TRIM37: variants seen among roughly 807,000 people sequenced by gnomAD.
TRIM37 encodes E3 ubiquitin-protein ligase TRIM37.
Under a neutral mutation model 129.8 loss-of-function variants are expected in TRIM37, and 80 were observed. The ratio of observed to expected loss-of-function variants is 0.62; its 90% confidence interval spans 0.51 to 0.74. The LOEUF (loss-of-function observed/expected upper bound fraction) is 0.74, where lower values mean the gene tolerates loss of function less well. Ranked by LOEUF, TRIM37 falls within the 30% of genes least tolerant of loss-of-function variation. The pLI, the probability that TRIM37 is intolerant of heterozygous loss-of-function variation, is 0.00. For synonymous variants in TRIM37, 389 were observed against 387.1 expected (o/e 1.00, Z -0.06); for missense variants, 1,054 against 1,176.5 (o/e 0.90, Z 1.52).
intron 2 of TRIM37, among the ~76,000 whole-genome samples, chr17:59,095,984 G>A (rs1335225132): frequency 2.6e-5 from 4 of 152,090 alleles, no homozygotes; most frequent in Non-Finnish European, 5.9e-5. Context: ...GCCTCCCAAC[G>A]TGCTGGGACT....
At position 58,999,220 on chromosome 17, in the gene TRIM37, G is replaced by A. The variant is rs2033354012; in HGVS notation, c.*157C>T. 4 of 1,536,240 alleles carry A rather than the reference G, an allele frequency of 2.6e-6. No homozygotes were observed. Among genetic ancestry groups the A allele is most frequent in the Non-Finnish European group, 3.5e-6 (4 of 1,144,036 alleles). ...TACTACTGCTGTCTTAGACTAAACTGTGCCACCTTCCAACAGTTTCCAAAT... is the reference window on the plus strand; with the variant it reads ...TACTACTGCTGTCTTAGACTAAACTATGCCACCTTCCAACAGTTTCCAAAT... On this transcript the variant is annotated 3_prime_UTR_variant, in exon 24 of 24. Coordinates refer to ENST00000262294, the MANE Select transcript of TRIM37 (RefSeq NM_015294.6).
chr17:58,985,712 C>T (rs1044988453), intron 24 of TRIM37, among the ~76,000 whole-genome samples: 10 of 152,126 alleles, frequency 6.6e-5, no homozygotes, highest in Non-Finnish European at 1.2e-4. Context: ...ACCTTCCAAA[C>T]GAGTCAACCT....
chr17:59,062,768 G>A (rs2041604740), intron 10 of TRIM37, 120 bp from the exon 11 acceptor site: 1 of 805,896 alleles, frequency 1.2e-6, no homozygotes, highest in Non-Finnish European at 2.1e-6. Context: ...CAAATAACAA[G>A]GTGACTGAAC....
At chr17:58,968,340 C>T in the TRIM37 span, among the ~76,000 whole-genome samples, 1 of 152,132 alleles carries the variant, frequency 6.6e-6, no homozygotes, top group South Asian at 2.1e-4. Context: ...CGGGATGATC[C>T]TTTGAGCCCA....
chr17:59,051,221 A>G lies in TRIM37; in HGVS notation c.1307T>C (p.Leu436Pro). ...AAATAGATATTTTCTTACCTCTTTA[A>G]GGTTGTTTATTTGTTGGATATAACT... ...QTSYIQQINN[L>P]KERLTIELSR... is the part of the protein sequence containing the mutation. The change falls in exon 14 of 24, where the codon CTT becomes CCT. Residue 436 changes from leucine to proline, a missense_variant. Leu to Pro is a moderately conservative substitution (Grantham distance 98). Transcript: ENST00000262294. 1 of 1,598,912 alleles carries G rather than the reference A, an allele frequency of 6.3e-7. No individual in the cohort carries two copies. Among genetic ancestry groups the G allele is most frequent in the Non-Finnish European group, 8.6e-7 (1 of 1,166,160 alleles).
chr17:58,995,332 T>C (rs1439735838), downstream of TRIM37, among the ~76,000 whole-genome samples: 2 of 151,434 alleles, frequency 1.3e-5, no homozygotes, highest in African/African-American at 4.9e-5. Flanking sequence ...AAAAGAACCA[T>C]GGTTCCTTAG....
chr17:59,077,483 A>G (rs997503679), intron 7 of TRIM37, among the ~76,000 whole-genome samples: 1 of 152,170 alleles, frequency 6.6e-6, no homozygotes, highest in Non-Finnish European at 1.5e-5. Flanking sequence ...ACATTAGCCT[A>G]TGGACAACAT....
intron 12 of TRIM37, among the ~76,000 whole-genome samples, chr17:59,060,683 T>C (rs1942849897): frequency 6.6e-6 from 1 of 152,188 alleles, no homozygotes; most frequent in Non-Finnish European, 1.5e-5. Context: ...TAGAATGTTA[T>C]AAAATTAGAT....
At chr17:59,102,251 T>C (rs2045583409) in intron 2 of TRIM37, among the ~76,000 whole-genome samples, 1 of 151,874 alleles carries the variant, frequency 6.6e-6, no homozygotes, top group Non-Finnish European at 1.5e-5. Flanking sequence ...TCTTAGGAAA[T>C]TAAGAAATAA....
rs1164655430 is a variant in TRIM37 at position 59,001,613 on chromosome 17, G to T, written c.2797C>A (p.Gln933Lys). 18 of 1,614,096 alleles carry T rather than the reference G, an allele frequency of 1.1e-5. No homozygotes were observed. The highest frequency in any genetic ancestry group is 1.7e-5 in the Admixed American group (1 of 60,010). The change falls in exon 23 of 24, where the codon CAG (glutamine) becomes AAG (lysine). Residue 933 changes from glutamine (Q) to lysine (K), a missense_variant. This residue lies in a region of TRIM37 where 287 missense variants were observed against 274.3 expected (regional missense o/e 1.05). Transcript: ENST00000262294. ...TGTGCTGCACCTTCATCCGGGGGCT[G>T]TGTCATGACCATGAAGGAGTCGTGA... is the stretch of plus-strand genomic sequence containing the variant. ...GFHDSFMVMTQPPDEDTHSSF... is the reference protein window; with the variant it reads ...GFHDSFMVMTKPPDEDTHSSF...
At chr17:59,034,798 A>G (rs2038279933) in intron 17 of TRIM37, among the ~76,000 whole-genome samples, 1 of 152,114 alleles carries the variant, frequency 6.6e-6, no homozygotes, top group Non-Finnish European at 1.5e-5. Context: ...GAATGCTCAC[A>G]AAGTGATCAC....
rs1380013494 is a variant in TRIM37, at chr17:59,056,770, T to C, written c.1199+105A>G. ...AAAGGTGATAAGGTTATAGTTAGTA[T>C]GAATTTCAATATTCATCTTTGTTAA... On this transcript the variant is annotated intron_variant, in intron 13 of 23. Coordinates refer to ENST00000262294, the MANE Select transcript of TRIM37 (RefSeq NM_015294.6). The C allele has an allele frequency of 5.2e-6, 4 of 774,438 alleles. No individual in the cohort carries two copies. The Admixed American group carries it at 6.7e-5, about 13-fold the overall frequency. 48.0% of individuals were successfully genotyped at this position (774,438 alleles called of 1,614,324 possible).
At chr17:59,035,242 G>C (rs924227724) in intron 17 of TRIM37, among the ~76,000 whole-genome samples, 1 of 151,510 alleles carries the variant, frequency 6.6e-6, no homozygotes, top group Non-Finnish European at 1.5e-5. Context: ...TCTACTTTCA[G>C]TAGAAATGAG....
chr17:59,049,764 C>A (rs1042711956), intron 14 of TRIM37, among the ~76,000 whole-genome samples: 9 of 152,166 alleles, frequency 5.9e-5, no homozygotes, highest in African/African-American at 2.2e-4. Flanking sequence ...TCCCAACATG[C>A]TGGGATTACA....
intron 17 of TRIM37, among the ~76,000 whole-genome samples, chr17:59,038,415 T>C (rs1394412399): frequency 1.3e-5 from 2 of 152,178 alleles, no homozygotes; most frequent in Non-Finnish European, 2.9e-5. Flanking sequence ...CCAAAGCATA[T>C]AATAAAAATA....
the TRIM37 span, among the ~76,000 whole-genome samples, chr17:58,967,685 A>AT: frequency 6.6e-6 from 1 of 151,434 alleles, no homozygotes; most frequent in East Asian, 1.9e-4. Context: ...TCCTTTTTTT[A>AT]TTTTTTTAAG....
intron 13 of TRIM37, among the ~76,000 whole-genome samples, chr17:59,051,852 T>TCCC (rs1164340227): frequency 6.6e-6 from 1 of 151,612 alleles, no homozygotes; most frequent in Non-Finnish European, 1.5e-5. Flanking sequence ...TGCCTCAGCC[T>TCCC]CCCAAGTAGC....
At chr17:59,049,104 A>C in intron 15 of TRIM37, 74 bp downstream of exon 15, 1 of 1,202,892 alleles carries the variant, frequency 8.3e-7, no homozygotes, top group East Asian at 2.4e-5. Flanking sequence ...TTTAGCACAT[A>C]ATATGTTAAA....
chr17:58,991,181 A>AG (rs1271079922), intron 24 of TRIM37, among the ~76,000 whole-genome samples: 1 of 151,420 alleles, frequency 6.6e-6, no homozygotes, highest in East Asian at 1.9e-4. Flanking sequence ...GTCTCAAAAA[A>AG]AAAAAAAAAA....
Sources: allele counts gnomAD v4.1 joint callset (sites outside exome capture counted in the v4.1 genomes callset), GRCh38; gene constraint gnomAD v4.1.1; regional missense constraint gnomAD v4.1.1; transcripts MANE v1.5; gene names NCBI Gene and HGNC (gene_info 2026-07-23, HGNC 2026-07-21).